FNDC3B: variants seen among roughly 807,000 people sequenced by gnomAD.
FNDC3B encodes fibronectin type III domain containing 3B.
In FNDC3B, 12 loss-of-function variants were observed where a neutral mutation model predicts 151.5. The observed-to-expected ratio is 0.08, with a 90% CI of 0.05 to 0.13. FNDC3B has a LOEUF of 0.13. Among genes scored for constraint, FNDC3B ranks in the 10% least tolerant of loss-of-function variants. The pLI, the probability that FNDC3B is intolerant of heterozygous loss-of-function variation, is 1.00. For missense variants in FNDC3B, 1,214 were observed against 1,505.3 expected (o/e 0.81, Z 3.20); for synonymous variants, 528 against 549.0 (o/e 0.96, Z 0.54).
chr3:172,327,912 GC>G (rs779735946), intron 11 of FNDC3B, among the ~76,000 whole-genome samples: 12 of 152,192 alleles, frequency 7.9e-5, no homozygotes, highest in Non-Finnish European at 1.3e-4. Flanking sequence ...ATTGCTCAAG[GC>G]CCTGGGCCTG....
At chr3:172,199,192 T>TA (rs1388431511) in intron 3 of FNDC3B, among the ~76,000 whole-genome samples, 1 of 148,768 alleles carries the variant, frequency 6.7e-6, no homozygotes, top group African/African-American at 2.4e-5. Context: ...TTTTATTTTT[T>TA]TTTTTTTGAG....
chr3:172,101,016 A>G (rs1017672890), intron 1 of FNDC3B, among the ~76,000 whole-genome samples: 1 of 152,214 alleles, frequency 6.6e-6, no homozygotes, highest in African/African-American at 2.4e-5. Flanking sequence ...GTTTAATGGT[A>G]CAGATTCTTT....
Position 172,251,308 on chromosome 3 carries a change from A to C in FNDC3B, c.557A>C (p.Gln186Pro), listed in dbSNP as rs1250374362. Residue 186 changes from glutamine (Q) to proline (P), a missense_variant, in exon 6 of 26, where the codon CAG becomes CCG. Gln to Pro is a moderately conservative substitution (Grantham distance 76). Coordinates refer to ENST00000415807, the MANE Select transcript of FNDC3B (RefSeq NM_022763.4). The part of the protein sequence containing the change: ...GMSTYITRED[Q>P]YSKPPHKKLK... ...TCAACCTACATCACCCGAGAAGACC[A>C]GTACAGCAAGCCTCCGCACAAAAAA... is the stretch of plus-strand genomic sequence containing the variant. 1 of 1,613,636 alleles carries C rather than the reference A, an allele frequency of 6.2e-7. No homozygotes were observed. Among genetic ancestry groups the C allele is most frequent in the East Asian group, 2.2e-5 (1 of 44,880 alleles).
chr3:172,058,851 G>A (rs1200027582), intron 1 of FNDC3B, among the ~76,000 whole-genome samples: 1 of 152,128 alleles, frequency 6.6e-6, no homozygotes, highest in Non-Finnish European at 1.5e-5. Flanking sequence ...TGTACATATA[G>A]AGCTTCTTTG....
chr3:172,208,396 T>TC (rs1167656134), intron 3 of FNDC3B, among the ~76,000 whole-genome samples: 1 of 152,198 alleles, frequency 6.6e-6, no homozygotes, highest in African/African-American at 2.4e-5. Context: ...TGAGCCCTTC[T>TC]CATATAGCCT....
chr3:172,183,461 T>C (rs987454614), intron 3 of FNDC3B, among the ~76,000 whole-genome samples: 3 of 152,242 alleles, frequency 2.0e-5, no homozygotes, highest in African/African-American at 4.8e-5. Context: ...TGTGTCAGAA[T>C]GTGTGTATCA....
At chr3:172,232,612 A>C (rs1023525772) in intron 4 of FNDC3B, among the ~76,000 whole-genome samples, 1 of 152,190 alleles carries the variant, frequency 6.6e-6, no homozygotes, top group East Asian at 1.9e-4. Context: ...AGGTAGAGGG[A>C]TTCTTTTCAA....
chr3:172,093,851 AT>A (rs778694103), intron 1 of FNDC3B, among the ~76,000 whole-genome samples: 4 of 152,198 alleles, frequency 2.6e-5, no homozygotes, highest in Non-Finnish European at 5.9e-5. Flanking sequence ...CCCTTCAGAG[AT>A]TCTGGTTTAG....
intron 25 of FNDC3B, among the ~76,000 whole-genome samples, chr3:172,395,952 C>G (rs980336293): frequency 6.6e-6 from 1 of 152,150 alleles, no homozygotes; most frequent in Non-Finnish European, 1.5e-5. Flanking sequence ...CTCAGACTCT[C>G]GTGCGCAAAG....
intron 3 of FNDC3B, among the ~76,000 whole-genome samples, chr3:172,165,707 G>A (rs1452486900): frequency 6.6e-6 from 1 of 152,076 alleles, no homozygotes; most frequent in Non-Finnish European, 1.5e-5. Context: ...TTTCCCACAA[G>A]TAAGATCCCA....
intron 2 of FNDC3B, chr3:172,126,888 T>C (rs1720832654): frequency 5.9e-6 from 2 of 337,398 alleles, no homozygotes; most frequent in Non-Finnish European, 1.2e-5. Context: ...CAAACCATTT[T>C]GTAGATGTAA....
Position 172,248,417 on chromosome 3 carries a change from A to G in FNDC3B, c.508+641A>G, listed in dbSNP as rs1402043665. ...TGAAAAGAGCCTCAGAGCTACCAAC[A>G]TTATATCTTTTTAAAGTTTTGACCC... On this transcript the variant is annotated intron_variant, in intron 5 of 25. Transcript: ENST00000415807. 5.9e-5 allele frequency among the ~76,000 whole-genome samples: 9 copies of G among 152,176 alleles called. No individual in the cohort carries two copies. The East Asian group carries it at 7.7e-4, about 13-fold the overall frequency.
chr3:172,375,842 C>T (rs1560106110), intron 23 of FNDC3B, among the ~76,000 whole-genome samples: 1 of 152,164 alleles, frequency 6.6e-6, no homozygotes, highest in Non-Finnish European at 1.5e-5. Context: ...CTGCCAGTTC[C>T]CAAGTTCCTC....
chr3:172,324,960 C>T (rs1732267829), intron 11 of FNDC3B, among the ~76,000 whole-genome samples: 1 of 152,214 alleles, frequency 6.6e-6, no homozygotes. Flanking sequence ...AGCTAGGAGT[C>T]TCTTCCCTCA....
chr3:172,249,696 A>G (rs773117969), intron 5 of FNDC3B, among the ~76,000 whole-genome samples: 3 of 152,162 alleles, frequency 2.0e-5, no homozygotes, highest in South Asian at 2.1e-4. Context: ...TCCTTCTGGT[A>G]TATTTTGACA....
Position 172,042,859 on chromosome 3 carries a change from C to G in FNDC3B, c.-29+3088C>G, listed in dbSNP as rs184834570. Among the ~76,000 whole-genome samples the G allele has an allele frequency of 1.7e-3, 248 of 145,948 alleles. 1 individual carries two copies. Among genetic ancestry groups the G allele is most frequent in the Non-Finnish European group, 2.8e-3 (185 of 67,130 alleles). ...TTTTTTTTTTTTTTTGAAATGGAGT[C>G]TCGCTCTGTCGCCCAGGCTGGAGTG... On this transcript the variant is annotated intron_variant, in intron 1 of 25. Transcript: ENST00000415807.
intron 1 of FNDC3B, among the ~76,000 whole-genome samples, chr3:172,087,675 T>C (rs142188752): frequency 3.0e-4 from 46 of 152,292 alleles, no homozygotes; most frequent in Non-Finnish European, 5.3e-4. Flanking sequence ...ATCCTGATGT[T>C]GCATTTTTAA....
intron 11 of FNDC3B, among the ~76,000 whole-genome samples, chr3:172,315,823 G>A (rs1271535383): frequency 2.0e-5 from 3 of 151,772 alleles, no homozygotes; most frequent in African/African-American, 7.3e-5. Flanking sequence ...ATTTTTCAAG[G>A]TATAGGTTCT....
chr3:172,054,462 C>T (rs1405988291), intron 1 of FNDC3B, among the ~76,000 whole-genome samples: 2 of 152,186 alleles, frequency 1.3e-5, no homozygotes, highest in African/African-American at 4.8e-5. Flanking sequence ...CTCTGAAGAG[C>T]GGCCTGACTT....
Sources: allele counts gnomAD v4.1 joint callset (sites outside exome capture counted in the v4.1 genomes callset), GRCh38; gene constraint gnomAD v4.1.1; transcripts MANE v1.5; gene names NCBI Gene and HGNC (gene_info 2026-07-23, HGNC 2026-07-21).